SMURF2: variants seen among roughly 807,000 people sequenced by gnomAD.
The protein encoded by SMURF2 is SMAD specific E3 ubiquitin protein ligase 2.
A neutral mutation model predicts 109.6 loss-of-function variants in SMURF2; 48 were observed. The observed-to-expected ratio is 0.44, with a 90% CI of 0.35 to 0.56. The LOEUF is 0.56. Among genes scored for constraint, SMURF2 ranks in the 20% least tolerant of loss-of-function variants. The pLI is 0.01. For missense variants in SMURF2, 575 were observed against 909.0 expected (o/e 0.63, Z 4.72); for synonymous variants, 288 against 317.1 (o/e 0.91, Z 0.97).
At chr17:64,613,134 C>A (rs1452084574) in intron 1 of SMURF2, among the ~76,000 whole-genome samples, 2 of 152,112 alleles carry the variant, frequency 1.3e-5, no homozygotes, top group African/African-American at 4.8e-5. Flanking sequence ...CATCCTGGAG[C>A]CTTTACTGCA....
intron 1 of SMURF2, among the ~76,000 whole-genome samples, chr17:64,610,729 C>T (rs1348365085): frequency 6.6e-6 from 1 of 152,196 alleles, no homozygotes; most frequent in African/African-American, 2.4e-5. Context: ...ACGTTCTGCA[C>T]ATGTACCCCA....
At chr17:64,586,750 CAAAAAAAAA>C (rs782490512) in intron 5 of SMURF2, among the ~76,000 whole-genome samples, 2 of 27,468 alleles carry the variant, frequency 7.3e-5, no homozygotes, top group African/African-American at 2.6e-4. Flanking sequence ...GACTCCGTCT[CAAAAAAAAA>C]AAAAAAAAAA....
intron 1 of SMURF2, among the ~76,000 whole-genome samples, chr17:64,659,954 G>A (rs1311748953): frequency 6.6e-6 from 1 of 152,044 alleles, no homozygotes; most frequent in Non-Finnish European, 1.5e-5. Flanking sequence ...ACTATTAAGA[G>A]GACACAGGGT....
chr17:64,602,753 C>T (rs1450372987), intron 2 of SMURF2, among the ~76,000 whole-genome samples: 2 of 152,178 alleles, frequency 1.3e-5, no homozygotes, highest in Non-Finnish European at 2.9e-5. Flanking sequence ...ACGGTGCAAC[C>T]ACATCTCTAC....
At chr17:64,551,045 A>T (rs1319599824) in intron 16 of SMURF2, among the ~76,000 whole-genome samples, 1 of 152,174 alleles carries the variant, frequency 6.6e-6, no homozygotes, top group African/African-American at 2.4e-5. Flanking sequence ...AAAATAAATT[A>T]AAAATTTTCA....
At chr17:64,613,611 G>A (rs144327684) in intron 1 of SMURF2, among the ~76,000 whole-genome samples, 1 of 150,696 alleles carries the variant, frequency 6.6e-6, no homozygotes, top group East Asian at 2.0e-4. Flanking sequence ...TTCCTAGACC[G>A]CAGTCCCCAA....
intron 10 of SMURF2, among the ~76,000 whole-genome samples, chr17:64,570,618 CA>C (rs1555685470): frequency 6.6e-6 from 1 of 152,196 alleles, no homozygotes; most frequent in Non-Finnish European, 1.5e-5. Context: ...TAGTGCCTCA[CA>C]GGCAGCTGAA....
Position 64,581,898 on chromosome 17 carries a change from T to C in SMURF2, c.570-907A>G, listed in dbSNP as rs782145871. 1.3e-4 allele frequency among the ~76,000 whole-genome samples: 19 copies of C among 151,412 alleles called. No homozygotes were observed. Among genetic ancestry groups the C allele is most frequent in the Admixed American group, 4.6e-4 (7 of 15,186 alleles). On this transcript the variant is annotated intron_variant, in intron 7 of 18. Coordinates refer to ENST00000262435, the MANE Select transcript of SMURF2 (RefSeq NM_022739.4). This position sits in a 1 kb window ranked among gnomAD's most constrained non-coding sequence, Gnocchi z 4.3. ...AGGCAGAGGTTGCAGTGGGCAGAGG[T>C]TGCAGTGAGCCGAGATCGTACCACT...
At chr17:64,634,030 T>C (rs1347243812) in intron 1 of SMURF2, among the ~76,000 whole-genome samples, 2 of 152,130 alleles carry the variant, frequency 1.3e-5, no homozygotes, top group Non-Finnish European at 2.9e-5. Flanking sequence ...GGTGCGCGCC[T>C]GTAATCCCAG....
At chr17:64,574,591 T>C (rs1337958227) in intron 9 of SMURF2, among the ~76,000 whole-genome samples, 1 of 152,168 alleles carries the variant, frequency 6.6e-6, no homozygotes, top group African/African-American at 2.4e-5. Flanking sequence ...TAAAAGATCT[T>C]CCATACAAAA....
chr17:64,640,334 G>A (rs1555692471), intron 1 of SMURF2, among the ~76,000 whole-genome samples: 1 of 152,062 alleles, frequency 6.6e-6, no homozygotes, highest in Non-Finnish European at 1.5e-5. Flanking sequence ...AGAAACAAGA[G>A]AAAGAAAATT....
At position 64,571,960 on chromosome 17, in the gene SMURF2, C is replaced by T. The variant is rs536814155; in HGVS notation, c.858-4G>A. On this transcript the variant is annotated splice_polypyrimidine_tract_variant and splice_region_variant and intron_variant, in intron 9 of 18. Transcript: ENST00000262435. ...ACAATTGATGTTGCTAAGATCCCTGCAAAAACAAATATAAAATAAAAAATA... is the reference window on the plus strand; with the variant it reads ...ACAATTGATGTTGCTAAGATCCCTGTAAAAACAAATATAAAATAAAAAATA... 2 of 1,598,482 alleles carry T rather than the reference C, an allele frequency of 1.3e-6. No individual in the cohort carries two copies. The highest frequency in any genetic ancestry group is 1.8e-5 in the Admixed American group (1 of 56,534).
intron 3 of SMURF2, among the ~76,000 whole-genome samples, chr17:64,596,585 CAAAAAAA>C (rs201858792): frequency 0.094 from 4,305 of 45,560 alleles, 94 homozygotes; most frequent in African/African-American, 0.22. Context: ...GGAGAGTAAA[CAAAAAAA>C]AAAAAAAAAA....
chr17:64,660,411 A>G (rs1381353653), intron 1 of SMURF2, among the ~76,000 whole-genome samples: 1 of 152,232 alleles, frequency 6.6e-6, no homozygotes, highest in East Asian at 1.9e-4. Context: ...GGGGTGGAAT[A>G]CAAGTATCCT....
intron 7 of SMURF2, 140 bp downstream of exon 7, chr17:64,583,321 A>C: frequency 1.5e-6 from 1 of 659,268 alleles, no homozygotes; most frequent in Non-Finnish European, 2.7e-6. Context: ...AAAAAATAAC[A>C]ATGGCACCTG....
Position 64,609,487 on chromosome 17 carries a change from T to C in SMURF2, c.53-2847A>G, listed in dbSNP as rs545464841. Among the ~76,000 whole-genome samples, 27 of 152,248 alleles carry C rather than the reference T, an allele frequency of 1.8e-4. 1 individual carries two copies. The South Asian group carries it at 5.6e-3, about 32-fold the overall frequency. ...ACACCACACATCTACAACCATCTGA[T>C]CTTTGACAAACCTGACAAAAACAAG... On this transcript the variant is annotated intron_variant, in intron 1 of 18. Transcript: ENST00000262435.
At chr17:64,655,252 C>CATTTTTTTTTT (rs1555693811) in intron 1 of SMURF2, among the ~76,000 whole-genome samples, 1 of 85,906 alleles carries the variant, frequency 1.2e-5, no homozygotes. Flanking sequence ...AATGAAATGT[C>CATTTTTTTTTT]TTTTTTTTTT....
At chr17:64,576,873 C>CTTTTT (rs782057854) in intron 9 of SMURF2, among the ~76,000 whole-genome samples, 2 of 81,484 alleles carry the variant, frequency 2.5e-5, no homozygotes, top group South Asian at 3.6e-4. Context: ...TTTTTCTATC[C>CTTTTT]TTTTTTTTTT....
intron 8 of SMURF2, among the ~76,000 whole-genome samples, chr17:64,580,312 C>A (rs1454375007): frequency 6.6e-6 from 1 of 152,170 alleles, no homozygotes; most frequent in Non-Finnish European, 1.5e-5. Context: ...GTGACTCAGT[C>A]ATTTACAACA....
Sources: allele counts gnomAD v4.1 joint callset (sites outside exome capture counted in the v4.1 genomes callset), GRCh38; gene constraint gnomAD v4.1.1; non-coding constraint Gnocchi (gnomAD v3.1); transcripts MANE v1.5; gene names NCBI Gene and HGNC (gene_info 2026-07-23, HGNC 2026-07-21).